Variants in ASS1 observed in about 807,000 individuals in gnomAD.
ASS1 encodes the protein argininosuccinate synthase 1.
ASS1 carries 58 observed loss-of-function variants against 60.5 expected under a neutral mutation model. That is an observed-to-expected ratio of 0.96 (90% CI 0.78 to 1.19). ASS1 has a LOEUF of 1.19. Among genes scored for constraint, ASS1 ranks in the 50% most tolerant of loss-of-function variants. The pLI is 0.00. For synonymous variants in ASS1, 200 were observed against 206.9 expected, an observed-to-expected ratio of 0.97 and a Z score of 0.29; for missense variants, 454 against 547.3, an observed-to-expected ratio of 0.83 and a Z score of 1.70.
Position 130,467,162 on chromosome 9 carries a change from TGGGGGATGTGATGGCCGGCCG to T in ASS1, c.495+376_495+396del, listed in dbSNP as rs1026053752. Among the ~76,000 whole-genome samples, 6 of 151,072 alleles carry T rather than the reference TGGGGGATGTGATGGCCGGCCG, an allele frequency of 4.0e-5. No individual in the cohort carries two copies. The East Asian group carries it at 5.9e-4, about 15-fold the overall frequency. ...GGTGTGTGTCACTTGGGGGGATGGC[TGGGGGATGTGATGGCCGGCCG>T]GGGGGATGTGATCGGGAGCTGTTCT... On this transcript the variant is annotated intron_variant, in intron 6 of 14. Coordinates refer to ENST00000352480, the MANE Select transcript of ASS1 (RefSeq NM_054012.4).
chr9:130,448,402 GCACACAGGTGTGTGCGCGCGCA>G (rs1231248141), intron 1 of ASS1, among the ~76,000 whole-genome samples: 2 of 139,570 alleles, frequency 1.4e-5, no homozygotes, highest in Admixed American at 7.4e-5. Context: ...ACCCCTGGGT[GCACACAGGTGTGTGCGCGCGCA>G]CACACACACA....
rs1279374590 is a variant in ASS1 at position 130,479,928 on chromosome 9, C to T, written c.773+128C>T. The T allele has an allele frequency of 4.5e-6, 5 of 1,106,672 alleles. 1 individual carries two copies. Among genetic ancestry groups the T allele is most frequent in the African/African-American group, 3.1e-5 (2 of 65,022 alleles). 68.6% of individuals were successfully genotyped at this position (1,106,672 alleles called of 1,614,324 possible). ...CGGAGCACAGGCCATGTCCCTTCCC[C>T]ATAGCCACAGAGTTTCCCGGACCAG... On this transcript the variant is annotated intron_variant, in intron 10 of 14. Coordinates refer to ENST00000352480, the MANE Select transcript of ASS1 (RefSeq NM_054012.4).
At chr9:130,454,256 C>A in intron 2 of ASS1, 49 bp from the exon 3 acceptor site, 1 of 1,585,236 alleles carries the variant, frequency 6.3e-7, no homozygotes, top group African/African-American at 1.3e-5. Flanking sequence ...GGTGTGAACT[C>A]AGGGCTCCCC....
In ASS1 at chr9:130,470,785, G is replaced by A. The variant is rs529617766; in HGVS notation, c.496-49G>A. On this transcript the variant is annotated intron_variant, in intron 6 of 14. Coordinates refer to ENST00000352480, the MANE Select transcript of ASS1 (RefSeq NM_054012.4). The surrounding 1 kb of genome is among the most constrained non-coding windows in gnomAD (Gnocchi z 4.3). ...GCAGGGCCCCTGGGACGGACCTCAC[G>A]CGTCCTTCCAGCCGCCTTACCTCCA... 2.1e-5 allele frequency: 33 copies of A among 1,566,846 alleles called. No homozygotes were observed. The highest frequency in any genetic ancestry group is 1.5e-4 in the Admixed American group (9 of 59,948).
chr9:130,468,589 TC>T (rs953937848), intron 6 of ASS1, among the ~76,000 whole-genome samples: 2 of 49,300 alleles, frequency 4.1e-5, no homozygotes, highest in African/African-American at 6.8e-5. Context: ...TTTTTGTTTT[TC>T]ATATATTTAT....
At chr9:130,450,165 G>A in intron 1 of ASS1, 2 of 655,216 alleles carry the variant, frequency 3.1e-6, no homozygotes, top group South Asian at 1.4e-4. Context: ...GACCTCCTCT[G>A]CTCAGTGAGG....
At chr9:130,486,917 G>A (rs1400846922) in intron 11 of ASS1, among the ~76,000 whole-genome samples, 4 of 152,194 alleles carry the variant, frequency 2.6e-5, no homozygotes, top group African/African-American at 7.2e-5. Flanking sequence ...TTTCTCTCAC[G>A]CTCTGGTTAG....
intron 11 of ASS1, among the ~76,000 whole-genome samples, chr9:130,487,276 T>G (rs1354489098): frequency 6.6e-6 from 1 of 152,168 alleles, no homozygotes; most frequent in Non-Finnish European, 1.5e-5. Context: ...ATTCTAAGAC[T>G]TAAAGATCAA....
Position 130,491,999 on chromosome 9 carries a change from T to G in ASS1, c.970+2535T>G, listed in dbSNP as rs1328268931. 2.0e-5 allele frequency among the ~76,000 whole-genome samples: 3 copies of G among 152,188 alleles called. No individual in the cohort carries two copies. Among genetic ancestry groups the G allele is most frequent in the African/African-American group, 7.2e-5 (3 of 41,446 alleles). On this transcript the variant is annotated intron_variant, in intron 12 of 14. Coordinates refer to ENST00000352480, the MANE Select transcript of ASS1 (RefSeq NM_054012.4). This position sits in a 1 kb window ranked among gnomAD's most constrained non-coding sequence, Gnocchi z 5.3. ...GCTTTGCCTGATCATGTTACTTAACTTCCCTAGGCCTCAGTTTTCCCATCT... is the reference window on the plus strand; with the variant it reads ...GCTTTGCCTGATCATGTTACTTAACGTCCCTAGGCCTCAGTTTTCCCATCT...
chr9:130,496,450 G>A (rs1434627001), intron 13 of ASS1, among the ~76,000 whole-genome samples: 1 of 151,900 alleles, frequency 6.6e-6, no homozygotes, highest in Non-Finnish European at 1.5e-5. Flanking sequence ...TATTAGCCAG[G>A]TGTGGTGGCA....
chr9:130,466,658 C>T, intron 5 of ASS1, 67 bp from the exon 6 acceptor site: 1 of 1,501,382 alleles, frequency 6.7e-7, no homozygotes, highest in East Asian at 2.3e-5. Context: ...GCCAGCTCTG[C>T]AGCTTACAGG....
At chr9:130,474,465 G>A (rs955533610) in intron 8 of ASS1, among the ~76,000 whole-genome samples, 2 of 152,188 alleles carry the variant, frequency 1.3e-5, no homozygotes, top group African/African-American at 2.4e-5. Flanking sequence ...CGGGCCCAGC[G>A]CAGGTGGAGG....
At chr9:130,484,832 TGC>T (rs1218069579) in intron 11 of ASS1, among the ~76,000 whole-genome samples, 40 of 142,018 alleles carry the variant, frequency 2.8e-4, no homozygotes, top group African/African-American at 9.9e-4. Context: ...CACACACACG[TGC>T]GCGCGCGCGC....
rs555562768 is a variant in ASS1 at position 130,494,245 on chromosome 9, G to A, written c.971-622G>A. 1.3e-5 allele frequency among the ~76,000 whole-genome samples: 2 copies of A among 152,326 alleles called. No individual in the cohort carries two copies. Among genetic ancestry groups the A allele is most frequent in the Admixed American group, 6.5e-5 (1 of 15,304 alleles). On this transcript the variant is annotated intron_variant, in intron 12 of 14. Transcript: ENST00000352480. This position sits in a 1 kb window ranked among gnomAD's most constrained non-coding sequence, Gnocchi z 4.3. The stretch of plus-strand genomic sequence containing the variant: ...AGAAAACAGCTCACTGATTCCAAGG[G>A]GTGGGCTCTGGCCAGGACTCCAGTT...
chr9:130,462,424 G>A (rs768186739), intron 4 of ASS1, among the ~76,000 whole-genome samples: 36 of 152,184 alleles, frequency 2.4e-4, no homozygotes, highest in Non-Finnish European at 4.7e-4. Flanking sequence ...GGGTTCAGAG[G>A]GGGAAGGATT....
chr9:130,484,799 G>GCA (rs3030699), intron 11 of ASS1, among the ~76,000 whole-genome samples: 6,750 of 146,642 alleles, frequency 0.046, 312 homozygotes, highest in African/African-American at 0.12. Flanking sequence ...AGCTTTAAAC[G>GCA]CACACACACA....
chr9:130,461,268 C>T (rs1845584286), intron 4 of ASS1, among the ~76,000 whole-genome samples: 1 of 152,144 alleles, frequency 6.6e-6, no homozygotes, highest in Non-Finnish European at 1.5e-5. Flanking sequence ...CATGCGGAGA[C>T]CCCCACCCCG....
intron 13 of ASS1, 42 bp downstream of exon 13, chr9:130,495,065 G>T: frequency 6.4e-7 from 1 of 1,573,864 alleles, no homozygotes. Flanking sequence ...CTTGGGCACA[G>T]AGCCTATCTT....
At chr9:130,450,627 TGCA>T in intron 1 of ASS1, among the ~76,000 whole-genome samples, 1 of 152,226 alleles carries the variant, frequency 6.6e-6, no homozygotes. Context: ...GGTGGGACCG[TGCA>T]GCATGCACGG....
Sources: gnomAD v4.1 joint callset for allele counts (sites outside exome capture counted in the v4.1 genomes callset) on GRCh38, gnomAD v4.1.1 for gene constraint, Gnocchi (gnomAD v3.1) non-coding constraint, MANE v1.5 for transcripts, NCBI Gene and HGNC (gene_info 2026-07-23, HGNC 2026-07-21) for gene names.